The following KIFAP3 variants were observed in gnomAD, a reference collection of about 807,000 sequenced individuals.
KIFAP3 encodes the protein kinesin-associated protein 3.
In KIFAP3, 68 loss-of-function variants were observed where a neutral mutation model predicts 106.5. That is an observed-to-expected ratio of 0.64 (90% confidence interval 0.53 to 0.78). KIFAP3 has a LOEUF of 0.78. Ranked by LOEUF, KIFAP3 falls within the 30% of genes least tolerant of loss-of-function variation. The pLI is 0.00. For missense variants in KIFAP3, 780 were observed against 941.8 expected, an observed-to-expected ratio of 0.83 and a Z score of 2.25; for synonymous variants, 320 against 311.5, an observed-to-expected ratio of 1.03 and a Z score of -0.29.
At chr1:169,969,731 C>T (rs1665809022) in intron 17 of KIFAP3, among the ~76,000 whole-genome samples, 1 of 151,936 alleles carries the variant, frequency 6.6e-6, no homozygotes, top group South Asian at 2.1e-4. Context: ...TGTAAACACC[C>T]TGTAGATACA....
intron 10 of KIFAP3, among the ~76,000 whole-genome samples, chr1:170,003,598 GC>G (rs1482081765): frequency 5.3e-5 from 1 of 18,734 alleles, no homozygotes; most frequent in South Asian, 1.6e-3. Flanking sequence ...GGTTACTGCT[GC>G]CTTTTGTCTG....
Position 169,978,085 on chromosome 1 carries a change from G to T in KIFAP3, c.1897C>A (p.Gln633Lys), listed in dbSNP as rs769826744. 1.3e-6 allele frequency: 2 copies of T among 1,573,532 alleles called. No individual in the cohort carries two copies. The highest frequency in any genetic ancestry group is 4.5e-5 in the East Asian group (2 of 44,524). The change falls in exon 16 of 20, where the codon CAG becomes AAG. Residue 633 changes from glutamine (Q) to lysine (K), a missense_variant and splice_region_variant. Physicochemically the swap from Gln to Lys is moderately conservative, Grantham distance 53. This residue lies in a region of KIFAP3 where 78 missense variants were observed against 140.6 expected (regional missense o/e 0.55). Transcript: ENST00000361580. ...ATRDVIIKET[Q>K]APAYLIDLMH... ...TCTACGGTAAACACTGAAAGGATAC[G>T]TGTTTCCTTGATTATGACGTCTCTT...
intron 10 of KIFAP3, among the ~76,000 whole-genome samples, chr1:170,011,788 T>C (rs1668255233): frequency 6.6e-6 from 1 of 152,076 alleles, no homozygotes; most frequent in African/African-American, 2.4e-5. Flanking sequence ...AGACCACATA[T>C]GTTAAATGTA....
chr1:170,069,010 G>A (rs906272877), intron 1 of KIFAP3: 3 of 152,016 alleles, frequency 2.0e-5, no homozygotes, highest in Non-Finnish European at 4.4e-5. Context: ...GAAAAGAAGA[G>A]ACTCAAATTA....
chr1:170,001,717 T>A (rs1667677547), intron 10 of KIFAP3, among the ~76,000 whole-genome samples: 2 of 152,114 alleles, frequency 1.3e-5, no homozygotes, highest in South Asian at 2.1e-4. Context: ...ATTTATTTTT[T>A]AAAAAATCTA....
intron 1 of KIFAP3, among the ~76,000 whole-genome samples, chr1:170,065,668 T>C (rs1213898110): frequency 4.6e-5 from 7 of 151,306 alleles, no homozygotes; most frequent in South Asian, 2.1e-4. Context: ...GCCTTTCCAT[T>C]GGAACATTAA....
At chr1:170,041,600 G>T in intron 3 of KIFAP3, 1 of 1,141,540 alleles carries the variant, frequency 8.8e-7, no homozygotes, top group Non-Finnish European at 1.3e-6. Flanking sequence ...GCCCGGAGAT[G>T]AGTCCAAGTG....
intron 10 of KIFAP3, among the ~76,000 whole-genome samples, chr1:170,012,261 A>G (rs1054445347): frequency 5.9e-5 from 9 of 152,116 alleles, no homozygotes. Context: ...TAAAAATGAA[A>G]AATACATGGC....
intron 10 of KIFAP3, among the ~76,000 whole-genome samples, chr1:170,015,499 C>T (rs1189850676): frequency 2.0e-5 from 3 of 152,046 alleles, no homozygotes; most frequent in African/African-American, 4.8e-5. Context: ...CATTGTTGTG[C>T]AGTATTGAAT....
chr1:169,943,531 T>G (rs1039965488), intron 19 of KIFAP3, among the ~76,000 whole-genome samples: 1 of 152,124 alleles, frequency 6.6e-6, no homozygotes, highest in Non-Finnish European at 1.5e-5. Flanking sequence ...TAAGGGGGAA[T>G]AGTGATGCTT....
chr1:170,078,810 T>A (rs1671969421), upstream of KIFAP3, among the ~76,000 whole-genome samples: 2 of 152,168 alleles, frequency 1.3e-5, no homozygotes, highest in Admixed American at 1.3e-4. Context: ...TTTTAAAAGG[T>A]CAGCATTATC....
intron 10 of KIFAP3, among the ~76,000 whole-genome samples, chr1:170,003,935 T>C (rs534262320): frequency 1.3e-5 from 2 of 152,256 alleles, no homozygotes; most frequent in African/African-American, 2.4e-5. Context: ...TGTTTGCAGA[T>C]GACATGATTG....
At chr1:170,023,136 T>C (rs114524241) in intron 9 of KIFAP3, among the ~76,000 whole-genome samples, 9,567 of 152,152 alleles carry the variant, frequency 0.063, 378 homozygotes, top group Non-Finnish European at 0.095. Flanking sequence ...TTGATTAATC[T>C]AAGAATATTC....
chr1:170,003,245 C>CA (rs2101965618), intron 10 of KIFAP3, among the ~76,000 whole-genome samples: 1 of 152,274 alleles, frequency 6.6e-6, no homozygotes, highest in Non-Finnish European at 1.5e-5. Flanking sequence ...AGACCAGTAA[C>CA]AACCAATAAC....
At chr1:169,941,058 C>T (rs529717638) in intron 19 of KIFAP3, among the ~76,000 whole-genome samples, 13 of 151,942 alleles carry the variant, frequency 8.6e-5, no homozygotes, top group Non-Finnish European at 1.3e-4. Flanking sequence ...TGCAAAGAAA[C>T]GAAGAAGCAA....
rs1003226875 is a variant in KIFAP3 at position 170,009,830 on chromosome 1, G to A, written c.1183+6632C>T. 8.5e-5 allele frequency among the ~76,000 whole-genome samples: 13 copies of A among 152,056 alleles called. No individual in the cohort carries two copies. The South Asian group carries it at 2.7e-3, about 32-fold the overall frequency. On this transcript the variant is annotated intron_variant, in intron 10 of 19. Coordinates refer to ENST00000361580, the MANE Select transcript of KIFAP3 (RefSeq NM_014970.4). ...CAAATGGCTTAATAAGTTTTGACAA[G>A]GAAAAAAATTTTTTTGAAGATCTGA...
intron 3 of KIFAP3, among the ~76,000 whole-genome samples, chr1:170,042,769 G>C (rs1670047392): frequency 6.6e-6 from 1 of 152,088 alleles, no homozygotes; most frequent in Non-Finnish European, 1.5e-5. Context: ...TACCTTCTTG[G>C]AGACCACAGG....
chr1:170,050,774 T>C (rs1022409639), intron 2 of KIFAP3, among the ~76,000 whole-genome samples: 2 of 152,120 alleles, frequency 1.3e-5, no homozygotes, highest in South Asian at 4.1e-4. Context: ...GATAAAAACC[T>C]TTCCAGACAA....
intron 7 of KIFAP3, among the ~76,000 whole-genome samples, chr1:170,033,860 C>A (rs900561696): frequency 1.3e-5 from 2 of 151,822 alleles, no homozygotes; most frequent in Admixed American, 6.6e-5. Context: ...AAACAGATAC[C>A]TAAGTTTCCT....
Sources: allele counts gnomAD v4.1 joint callset (sites outside exome capture counted in the v4.1 genomes callset), GRCh38; gene constraint gnomAD v4.1.1; regional missense constraint gnomAD v4.1.1; transcripts MANE v1.5; gene names NCBI Gene and HGNC (gene_info 2026-07-23, HGNC 2026-07-21).